ADAMTS18: variants seen among roughly 807,000 people sequenced by gnomAD.
The protein encoded by ADAMTS18 is ADAM metallopeptidase with thrombospondin type 1 motif 18.
Under a neutral mutation model 165.9 loss-of-function variants are expected in ADAMTS18, and 157 were observed. The observed-to-expected ratio is 0.95, with a 90% CI of 0.83 to 1.08. The LOEUF (loss-of-function observed/expected upper bound fraction) is 1.08, where lower values mean the gene tolerates loss of function less well. Ranked by LOEUF, ADAMTS18 falls within the 50% of genes least tolerant of loss-of-function variation. The pLI, the probability that ADAMTS18 is intolerant of heterozygous loss-of-function variation, is 0.00. For synonymous variants in ADAMTS18, 782 were observed against 578.2 expected, an observed-to-expected ratio of 1.35 and a Z score of -5.06; for missense variants, 2,040 against 1,534.0, an observed-to-expected ratio of 1.33 and a Z score of -5.51.
At chr16:77,396,519 G>A (rs540720688) in intron 3 of ADAMTS18, among the ~76,000 whole-genome samples, 113 of 152,278 alleles carry the variant, frequency 7.4e-4, no homozygotes, top group Middle Eastern at 6.8e-3. Context: ...GAAACACAAG[G>A]CTGAAAAATC....
intron 3 of ADAMTS18, among the ~76,000 whole-genome samples, chr16:77,379,614 G>C (rs2057003123): frequency 1.3e-5 from 2 of 152,072 alleles, no homozygotes; most frequent in African/African-American, 2.4e-5. Context: ...TCAGCCTCCT[G>C]AGTAGCTGGA....
intron 3 of ADAMTS18, among the ~76,000 whole-genome samples, chr16:77,373,503 G>T (rs1488088110): frequency 6.6e-6 from 1 of 151,262 alleles, no homozygotes; most frequent in African/African-American, 2.4e-5. Flanking sequence ...AGAAAAAAAA[G>T]TTATCCTCTC....
rs116603270 is a variant in ADAMTS18, at chr16:77,391,989, G to T, written c.496-24266C>A. ...AAAATGCATTTCATTGATTACCTAT[G>T]TTCCCAGAAACTTTAGTATCAGAAA... On this transcript the variant is annotated intron_variant, in intron 3 of 22. Transcript: ENST00000282849. Among the ~76,000 whole-genome samples, 622 of 152,236 alleles carry T rather than the reference G, an allele frequency of 4.1e-3. 7 individuals carry two copies. The highest frequency in any genetic ancestry group is 0.014 in the African/African-American group (602 of 41,540).
intron 12 of ADAMTS18, among the ~76,000 whole-genome samples, chr16:77,334,732 C>CTATAGTATATATACTGTATAT (rs2056267847): frequency 2.0e-5 from 2 of 100,906 alleles, no homozygotes; most frequent in Admixed American, 2.2e-4. Flanking sequence ...CTACTATATA[C>CTATAGTATATATACTGTATAT]TATAGTATAT....
At chr16:77,333,858 TTATAC>T (rs2056231534) in intron 12 of ADAMTS18, among the ~76,000 whole-genome samples, 1 of 130,708 alleles carries the variant, frequency 7.7e-6, no homozygotes, top group Non-Finnish European at 1.6e-5. Flanking sequence ...TAGTATACTA[TTATAC>T]TATATTATAT....
chr16:77,351,211 T>C (rs974590110), intron 10 of ADAMTS18, among the ~76,000 whole-genome samples: 3 of 152,180 alleles, frequency 2.0e-5, no homozygotes, highest in Non-Finnish European at 4.4e-5. Flanking sequence ...CTTCAGAATC[T>C]ATCAAACCAC....
rs111776807 is a variant in ADAMTS18, at chr16:77,393,068, T to A, written c.496-25345A>T. Among the ~76,000 whole-genome samples, 546 of 152,268 alleles carry A rather than the reference T, an allele frequency of 3.6e-3. 5 individuals carry two copies. Among genetic ancestry groups the A allele is most frequent in the African/African-American group, 0.013 (530 of 41,552 alleles). ...GCGCTGGTCATGATTTCACTGAAAGTCAGCTGCATTTTGATGAATCGTATT... is the reference window on the plus strand; with the variant it reads ...GCGCTGGTCATGATTTCACTGAAAGACAGCTGCATTTTGATGAATCGTATT... On this transcript the variant is annotated intron_variant, in intron 3 of 22. Coordinates refer to ENST00000282849, the MANE Select transcript of ADAMTS18 (RefSeq NM_199355.4).
chr16:77,336,712 C>G (rs2056316436), intron 11 of ADAMTS18, among the ~76,000 whole-genome samples: 1 of 152,148 alleles, frequency 6.6e-6, no homozygotes, highest in Non-Finnish European at 1.5e-5. Flanking sequence ...TAACAAATTC[C>G]TGGCTTTGCT....
rs779800493 is a variant in ADAMTS18, at chr16:77,431,445, C to G, written c.345G>C (p.Ser115=). The G allele has an allele frequency of 1.2e-6, 2 of 1,614,132 alleles. No individual in the cohort carries two copies. The highest frequency in any genetic ancestry group is 1.6e-4 in the Middle Eastern group (1 of 6,062). Residue 115 remains serine (S), a synonymous_variant, in exon 3 of 23, where the codon TCG becomes TCC. Transcript: ENST00000282849. The stretch of plus-strand genomic sequence containing the variant: ...CAATAAAGTGACTGCTCAAAATCGC[C>G]GAGGGCTTAAGTTCTAAGTGCAGTT... ...GQELHLELKP[S]AILSSHFIVQ...
At chr16:77,316,643 TA>T (rs1358568659) in intron 16 of ADAMTS18, among the ~76,000 whole-genome samples, 2 of 152,138 alleles carry the variant, frequency 1.3e-5, no homozygotes, top group African/African-American at 4.8e-5. Context: ...TTAGTTCTTA[TA>T]AAATATTAAG....
intron 3 of ADAMTS18, among the ~76,000 whole-genome samples, chr16:77,409,386 A>G (rs2057432426): frequency 6.6e-6 from 1 of 152,198 alleles, no homozygotes; most frequent in South Asian, 2.1e-4. Flanking sequence ...GAAAATAGAG[A>G]TAAGAAACTG....
Position 77,434,735 on chromosome 16 carries a change from G to C in ADAMTS18, c.-40C>G, listed in dbSNP as rs904153330. On this transcript the variant is annotated 5_prime_UTR_variant, in exon 1 of 23. Transcript: ENST00000282849. ...GCGGCGGCTGCGGGTGGCCAGACGC[G>C]GCAGGCGGAGCGCACGGGCGGCGCG... 2.2e-6 allele frequency: 3 copies of C among 1,391,574 alleles called. No homozygotes were observed. Among genetic ancestry groups the C allele is most frequent in the Non-Finnish European group, 2.8e-6 (3 of 1,071,124 alleles). The allele number at this position is 1,391,574 out of a possible 1,614,324, so 86.2% of individuals were successfully genotyped here. A position where few individuals can be genotyped will look rare whatever the true frequency, so the allele number is the denominator to read the frequency against.
chr16:77,434,498 T>C lies in ADAMTS18; in HGVS notation c.98A>G (p.Gln33Arg). 1.9e-6 allele frequency: 3 copies of C among 1,560,596 alleles called. No individual in the cohort carries two copies. Among genetic ancestry groups the C allele is most frequent in the East Asian group, 2.3e-5 (1 of 42,872 alleles). Residue 33 changes from glutamine (Q) to arginine (R), a missense_variant, in exon 2 of 23, where the codon CAG (glutamine) becomes CGG (arginine). By Grantham distance (43) the Gln-to-Arg change is conservative. Coordinates refer to ENST00000282849, the MANE Select transcript of ADAMTS18 (RefSeq NM_199355.4). ...AGLGRVAKAL[Q>R]LCCLCCASVA... ...CGACGCACAGCAGAGGCAGCACAGC[T>C]GGAGCGCCTGCAAGAGAAAAGGTGA...
chr16:77,380,818 A>C (rs2057019510), intron 3 of ADAMTS18, among the ~76,000 whole-genome samples: 1 of 152,146 alleles, frequency 6.6e-6, no homozygotes, highest in South Asian at 2.1e-4. Flanking sequence ...TTTTATCTGC[A>C]GAATTTCAAC....
chr16:77,341,882 A>C, intron 10 of ADAMTS18, 83 bp from the exon 11 acceptor site: 13 of 1,105,400 alleles, frequency 1.2e-5, no homozygotes, highest in Non-Finnish European at 1.5e-5. Flanking sequence ...ATATAATATT[A>C]TATTTTGGGG....
At chr16:77,342,629 C>T (rs190419848) in intron 10 of ADAMTS18, among the ~76,000 whole-genome samples, 4 of 152,138 alleles carry the variant, frequency 2.6e-5, no homozygotes, top group African/African-American at 9.7e-5. Flanking sequence ...AATATGTAGA[C>T]AATTTAACTC....
chr16:77,411,436 A>C (rs116724350), intron 3 of ADAMTS18, among the ~76,000 whole-genome samples: 2,610 of 152,286 alleles, frequency 0.017, 71 homozygotes, highest in African/African-American at 0.06. Context: ...ATGAGTCAGT[A>C]GATAGACTTG....
intron 10 of ADAMTS18, among the ~76,000 whole-genome samples, chr16:77,352,925 T>A (rs1359786604): frequency 6.6e-6 from 1 of 151,818 alleles, no homozygotes. Flanking sequence ...TGAAATCCCT[T>A]CTCTACTGAA....
At chr16:77,402,438 G>C (rs1399228003) in intron 3 of ADAMTS18, among the ~76,000 whole-genome samples, 1 of 152,154 alleles carries the variant, frequency 6.6e-6, no homozygotes, top group Non-Finnish European at 1.5e-5. Flanking sequence ...TTCTAACATA[G>C]AGAGGGCTTT....
Sources: gnomAD v4.1 joint callset for allele counts (sites outside exome capture counted in the v4.1 genomes callset) on GRCh38, gnomAD v4.1.1 for gene constraint, MANE v1.5 for transcripts, NCBI Gene and HGNC (gene_info 2026-07-23, HGNC 2026-07-21) for gene names.